Variants in ACACB observed in about 807,000 individuals in gnomAD.
ACACB encodes acetyl-CoA carboxylase beta.
A neutral mutation model predicts 278.8 loss-of-function variants in ACACB; 209 were observed. The observed-to-expected ratio is 0.75, with a 90% confidence interval of 0.67 to 0.84. The LOEUF is 0.84. Among genes scored for constraint, ACACB ranks in the 40% least tolerant of loss-of-function variants. The pLI is 0.00. For synonymous variants in ACACB, 1,174 were observed against 1,285.6 expected, an observed-to-expected ratio of 0.91 and a Z score of 1.86; for missense variants, 2,850 against 3,269.0, an observed-to-expected ratio of 0.87 and a Z score of 3.13.
chr12:109,246,130 C>A, intron 38 of ACACB, 49 bp from the exon 39 acceptor site: 2 of 1,553,964 alleles, frequency 1.3e-6, no homozygotes, highest in Non-Finnish European at 1.7e-6. Flanking sequence ...AAAAAGTTTT[C>A]CCCCAAAGAA....
chr12:109,195,773 C>T (rs2045102970), intron 16 of ACACB, among the ~76,000 whole-genome samples: 1 of 151,972 alleles, frequency 6.6e-6, no homozygotes. Context: ...GCACTGTCTC[C>T]CTGAACTTTT....
chr12:109,135,172 C>T (rs1273413139), intron 1 of ACACB, among the ~76,000 whole-genome samples: 1 of 152,196 alleles, frequency 6.6e-6, no homozygotes. Context: ...TCTTCACCAA[C>T]ACTTGTTATT....
intron 47 of ACACB, 23 bp from the exon 48 acceptor site, chr12:109,260,457 T>G (rs1384119354): frequency 3.7e-6 from 6 of 1,613,924 alleles, no homozygotes. Flanking sequence ...GGCCCTGAAC[T>G]GGGAGGCTGC....
In ACACB at chr12:109,233,740, A is replaced by G. The variant is rs1593655016; in HGVS notation, c.4140-8A>G. ...CCCTCAGCCCTCCCTCTCTACCCGC[A>G]CCCCCAGAAATTTTGATGAAGTCAT... On this transcript the variant is annotated splice_polypyrimidine_tract_variant and splice_region_variant and intron_variant, in intron 29 of 52. Transcript: ENST00000338432. The G allele has an allele frequency of 6.2e-7, 1 of 1,612,970 alleles. No individual in the cohort carries two copies. Among genetic ancestry groups the G allele is most frequent in the Non-Finnish European group, 8.5e-7 (1 of 1,179,544 alleles).
intron 41 of ACACB, among the ~76,000 whole-genome samples, chr12:109,250,639 T>C (rs890680398): frequency 6.6e-6 from 1 of 152,104 alleles, no homozygotes; most frequent in Non-Finnish European, 1.5e-5. Context: ...GTAGTAGTAC[T>C]ACTGTAGTAG....
At chr12:109,133,901 GT>G (rs36101609) in intron 1 of ACACB, among the ~76,000 whole-genome samples, 9,232 of 93,160 alleles carry the variant, frequency 0.099, 698 homozygotes, top group East Asian at 0.38. Context: ...CAGCACACAG[GT>G]TTTTTTTTTT....
chr12:109,123,836 G>A (rs995725225), intron 1 of ACACB, among the ~76,000 whole-genome samples: 11 of 151,322 alleles, frequency 7.3e-5, no homozygotes, highest in African/African-American at 2.4e-4. Flanking sequence ...ACACCACCAC[G>A]CCTGGCTAAT....
rs187020282 is a variant in ACACB, at chr12:109,156,285, T to C, written c.654-10576T>C. On this transcript the variant is annotated intron_variant, in intron 2 of 52. Coordinates refer to ENST00000338432, the MANE Select transcript of ACACB (RefSeq NM_001093.4). The stretch of plus-strand genomic sequence containing the variant: ...TGGCTCATGCCTGTAATCCTAGCGC[T>C]TTGGGAGGCCAAGGCAGGAGAACTG... Among the ~76,000 whole-genome samples, 383 of 151,610 alleles carry C rather than the reference T, an allele frequency of 2.5e-3. 1 individual carries two copies. The highest frequency in any genetic ancestry group is 0.012 in the South Asian group (59 of 4,802).
At chr12:109,127,433 A>AC (rs398021016) in intron 1 of ACACB, among the ~76,000 whole-genome samples, 12 of 150,390 alleles carry the variant, frequency 8.0e-5, no homozygotes, top group Non-Finnish European at 4.4e-5. Flanking sequence ...AAAAAAAAAA[A>AC]CCCAAAAAAC....
intron 11 of ACACB, among the ~76,000 whole-genome samples, chr12:109,183,357 A>G (rs1192646974): frequency 1.3e-5 from 2 of 152,022 alleles, no homozygotes; most frequent in Admixed American, 6.6e-5. Flanking sequence ...CACTGAATCT[A>G]TAGATTGCTT....
In ACACB at chr12:109,227,504, A is replaced by T. The variant is rs374029544; in HGVS notation, c.4001+15A>T. On this transcript the variant is annotated intron_variant, in intron 28 of 52. Transcript: ENST00000338432. ...CACCCAAACCGGTATGGAGTGGGAC[A>T]CACCCAGGGACGGCCTGTGTTTCTG... The T allele has an allele frequency of 1.1e-5, 18 of 1,605,304 alleles. No homozygotes were observed. The highest frequency in any genetic ancestry group is 1.3e-5 in the Non-Finnish European group (15 of 1,172,434).
Position 109,234,056 on chromosome 12 carries a change from C to A in ACACB, c.4347+11C>A. On this transcript the variant is annotated intron_variant, in intron 31 of 52. Transcript: ENST00000338432. ...TTCGTACAGTCCAAGGTACTCTGGGCGTGCCTCTGGTTTTGGTGGGGGTTC... is the reference window on the plus strand; with the variant it reads ...TTCGTACAGTCCAAGGTACTCTGGGAGTGCCTCTGGTTTTGGTGGGGGTTC... The A allele has an allele frequency of 6.3e-7, 1 of 1,590,898 alleles. No individual in the cohort carries two copies. The highest frequency in any genetic ancestry group is 2.3e-5 in the East Asian group (1 of 44,250).
chr12:109,134,713 T>C (rs1741509313), intron 1 of ACACB, among the ~76,000 whole-genome samples: 1 of 151,670 alleles, frequency 6.6e-6, no homozygotes, highest in Non-Finnish European at 1.5e-5. Flanking sequence ...GGCAGAGGAG[T>C]TGAGACCAGA....
chr12:109,151,368 C>T (rs1304129894), intron 2 of ACACB, among the ~76,000 whole-genome samples: 2 of 152,132 alleles, frequency 1.3e-5, no homozygotes, highest in African/African-American at 2.4e-5. Context: ...AGGTACAGAG[C>T]AACTAACCAT....
At chr12:109,254,916 A>C (rs2047186870) in intron 44 of ACACB, among the ~76,000 whole-genome samples, 1 of 152,060 alleles carries the variant, frequency 6.6e-6, no homozygotes, top group Non-Finnish European at 1.5e-5. Flanking sequence ...CTGGGATTAC[A>C]GGTGCCTGCC....
intron 44 of ACACB, 110 bp downstream of exon 44, chr12:109,254,444 C>G: frequency 9.1e-7 from 1 of 1,095,636 alleles, no homozygotes; most frequent in Non-Finnish European, 1.3e-6. Flanking sequence ...GATATTCGTT[C>G]TCATATCCCA....
Position 109,243,631 on chromosome 12 carries a change from T to C in ACACB, c.5178+1039T>C, listed in dbSNP as rs1263693503. Among the ~76,000 whole-genome samples the C allele has an allele frequency of 2.0e-5, 3 of 151,986 alleles. No individual in the cohort carries two copies. The East Asian group carries it at 5.8e-4, about 29-fold the overall frequency. On this transcript the variant is annotated intron_variant, in intron 37 of 52. Coordinates refer to ENST00000338432, the MANE Select transcript of ACACB (RefSeq NM_001093.4). The stretch of plus-strand genomic sequence containing the variant: ...AAAACAAAAACAAAAAAATAATGTT[T>C]TATTATGTTTTTCTGATGATTAAAG...
chr12:109,208,783 A>G (rs1385684908), intron 20 of ACACB, among the ~76,000 whole-genome samples: 2 of 152,214 alleles, frequency 1.3e-5, no homozygotes, highest in African/African-American at 2.4e-5. Context: ...GGACAAAATC[A>G]TTAGACTTCC....
intron 3 of ACACB, 28 bp downstream of exon 3, chr12:109,167,021 G>A (rs371082281): frequency 6.2e-7 from 1 of 1,613,638 alleles, no homozygotes; most frequent in Non-Finnish European, 8.5e-7. Flanking sequence ...CACTCTGGGT[G>A]GGGTCCGATT....
Sources: allele counts gnomAD v4.1 joint callset (sites outside exome capture counted in the v4.1 genomes callset), GRCh38; gene constraint gnomAD v4.1.1; transcripts MANE v1.5; gene names NCBI Gene and HGNC (gene_info 2026-07-23, HGNC 2026-07-21).